CSMD1: variants seen among roughly 807,000 people sequenced by gnomAD.
The protein encoded by CSMD1 is CUB and Sushi multiple domains 1.
CSMD1 carries 213 observed loss-of-function variants against 417.5 expected under a neutral mutation model. The ratio of observed to expected loss-of-function variants is 0.51; its 90% confidence interval spans 0.46 to 0.57. CSMD1 has a LOEUF of 0.57. Ranked by LOEUF, CSMD1 falls within the 20% of genes least tolerant of loss-of-function variation. CSMD1 has a pLI of 0.00. For synonymous variants in CSMD1, 2,862 were observed against 1,736.8 expected (o/e 1.65, Z -16.11); for missense variants, 6,923 against 4,529.7 (o/e 1.53, Z -15.17).
At chr8:4,051,922 T>TTCTTTTTCTTTC (rs1554429055) in intron 3 of CSMD1, among the ~76,000 whole-genome samples, 1 of 150,644 alleles carries the variant, frequency 6.6e-6, no homozygotes, top group Non-Finnish European at 1.5e-5. Flanking sequence ...CTTTCTTTCT[T>TTCTTTTTCTTTC]TTTCTTTCTT....
At chr8:4,309,681 A>AT (rs1057509262) in intron 3 of CSMD1, among the ~76,000 whole-genome samples, 4 of 152,044 alleles carry the variant, frequency 2.6e-5, no homozygotes, top group African/African-American at 4.8e-5. Flanking sequence ...CACCTTACAC[A>AT]TTTTTTTAGA....
intron 3 of CSMD1, among the ~76,000 whole-genome samples, chr8:4,066,729 T>C (rs543317312): frequency 1.3e-5 from 2 of 151,942 alleles, no homozygotes; most frequent in African/African-American, 4.8e-5. Context: ...GGGACGAGAG[T>C]GAAGACTGAG....
chr8:3,612,608 T>A (rs1485799750), intron 8 of CSMD1, among the ~76,000 whole-genome samples: 1 of 152,094 alleles, frequency 6.6e-6, no homozygotes, highest in Non-Finnish European at 1.5e-5. Context: ...TAAAGCATAA[T>A]CTCTAACCAT....
In CSMD1 at chr8:4,699,680, G is replaced by A. The variant is rs190108111; in HGVS notation, c.86-62122C>T. The stretch of plus-strand genomic sequence containing the variant: ...AACATTTTAAACAATGTCATCATCC[G>A]TACATATGATTTTTAAAAATCTCCC... On this transcript the variant is annotated intron_variant, in intron 1 of 69. Transcript: ENST00000635120. Among the ~76,000 whole-genome samples, 207 of 152,134 alleles carry A rather than the reference G, an allele frequency of 1.4e-3. No homozygotes were observed. The Middle Eastern group carries it at 0.031, about 22-fold the overall frequency.
At chr8:4,043,334 G>C (rs1797989187) in intron 3 of CSMD1, among the ~76,000 whole-genome samples, 1 of 152,016 alleles carries the variant, frequency 6.6e-6, no homozygotes, top group South Asian at 2.1e-4. Flanking sequence ...AAAAGAAAAT[G>C]AATGAGAAAT....
At chr8:4,893,560 G>A (rs1205626427) in intron 1 of CSMD1, among the ~76,000 whole-genome samples, 1 of 152,068 alleles carries the variant, frequency 6.6e-6, no homozygotes, top group African/African-American at 2.4e-5. Flanking sequence ...AAACCCAGAT[G>A]ACAATTCTTT....
chr8:4,436,688 G>A (rs1175410698), intron 2 of CSMD1, among the ~76,000 whole-genome samples: 2 of 151,854 alleles, frequency 1.3e-5, no homozygotes, highest in Non-Finnish European at 2.9e-5. Context: ...ACCCTACACA[G>A]CTTCTGGTAA....
chr8:3,212,451 C>T (rs562234007), intron 30 of CSMD1, among the ~76,000 whole-genome samples: 2 of 152,206 alleles, frequency 1.3e-5, no homozygotes, highest in South Asian at 2.1e-4. Context: ...CAGGCTCCAG[C>T]GATCCTCCTA....
chr8:3,260,439 G>T (rs1241881876), intron 26 of CSMD1, among the ~76,000 whole-genome samples: 1 of 152,144 alleles, frequency 6.6e-6, no homozygotes, highest in African/African-American at 2.4e-5. Flanking sequence ...CCATCGGGGT[G>T]CATCAACTCA....
chr8:3,888,542 G>C (rs1001899377), intron 5 of CSMD1, among the ~76,000 whole-genome samples: 1 of 152,156 alleles, frequency 6.6e-6, no homozygotes, highest in African/African-American at 2.4e-5. Context: ...ACCTTGTCAT[G>C]CCTCTTGTAT....
chr8:4,760,231 A>T (rs538240700), intron 1 of CSMD1, among the ~76,000 whole-genome samples: 1 of 152,304 alleles, frequency 6.6e-6, no homozygotes, highest in Admixed American at 6.5e-5. Flanking sequence ...TGTTATATGC[A>T]CTATTTTTAG....
intron 54 of CSMD1, among the ~76,000 whole-genome samples, chr8:2,980,935 CATGTGGGG>C (rs1805354071): frequency 6.6e-6 from 1 of 152,170 alleles, no homozygotes; most frequent in South Asian, 2.1e-4. Flanking sequence ...CCTTGAGCCC[CATGTGGGG>C]AAACTCAGTG....
intron 5 of CSMD1, among the ~76,000 whole-genome samples, chr8:3,806,761 T>A (rs559365199): frequency 6.6e-6 from 1 of 152,202 alleles, no homozygotes; most frequent in Admixed American, 6.5e-5. Flanking sequence ...AGACAAGTAA[T>A]GCAAAATGTT....
At chr8:4,384,780 C>T (rs976171385) in intron 3 of CSMD1, among the ~76,000 whole-genome samples, 5 of 152,134 alleles carry the variant, frequency 3.3e-5, no homozygotes, top group Non-Finnish European at 7.4e-5. Context: ...TCGGGCTTCC[C>T]GACTTCACTA....
At chr8:4,990,555 G>C (rs1811408257) in intron 1 of CSMD1, among the ~76,000 whole-genome samples, 1 of 152,052 alleles carries the variant, frequency 6.6e-6, no homozygotes, top group African/African-American at 2.4e-5. Context: ...TGTAGAGATG[G>C]GGTTTCACTA....
intron 49 of CSMD1, among the ~76,000 whole-genome samples, chr8:3,078,032 T>A (rs1443742844): frequency 6.6e-6 from 1 of 152,258 alleles, no homozygotes; most frequent in Non-Finnish European, 1.5e-5. Context: ...TGAAATATTT[T>A]GAGTATTCCA....
chr8:3,556,906 T>A (rs28529623), intron 10 of CSMD1, among the ~76,000 whole-genome samples: 58,673 of 151,830 alleles, frequency 0.39, 12,889 homozygotes, highest in African/African-American at 0.61. Context: ...AAAACAATCA[T>A]CAGGTCACAA....
intron 4 of CSMD1, among the ~76,000 whole-genome samples, chr8:4,028,098 A>AG (rs1418461761): frequency 6.6e-6 from 1 of 152,206 alleles, no homozygotes; most frequent in African/African-American, 2.4e-5. Context: ...TAATAAGAAA[A>AG]AAATGAAAAT....
intron 3 of CSMD1, among the ~76,000 whole-genome samples, chr8:4,230,240 T>C (rs1801633677): frequency 6.6e-6 from 1 of 152,188 alleles, no homozygotes; most frequent in African/African-American, 2.4e-5. Context: ...TGTGTTGCTC[T>C]ACAATAGATT....
Sources: allele counts gnomAD v4.1 joint callset (sites outside exome capture counted in the v4.1 genomes callset), GRCh38; gene constraint gnomAD v4.1.1; transcripts MANE v1.5; gene names NCBI Gene and HGNC (gene_info 2026-07-23, HGNC 2026-07-21).